The following ADAMTS18 variants were observed in gnomAD, a reference collection of about 807,000 sequenced individuals.
The protein encoded by ADAMTS18 is A disintegrin and metalloproteinase with thrombospondin motifs 18.
In ADAMTS18, 157 loss-of-function variants were observed where a neutral mutation model predicts 165.9. The ratio of observed to expected loss-of-function variants is 0.95; its 90% CI spans 0.83 to 1.08. The LOEUF (loss-of-function observed/expected upper bound fraction) is 1.08, where lower values mean the gene tolerates loss of function less well. ADAMTS18 is among the 50% of genes least tolerant of loss of function. The probability of loss-of-function intolerance (pLI) is 0.00; values close to 1 mark genes in which losing one functional copy is unlikely to be tolerated. For missense variants in ADAMTS18, 2,040 were observed against 1,534.0 expected, an observed-to-expected ratio of 1.33 and a Z score of -5.51; for synonymous variants, 782 against 578.2, an observed-to-expected ratio of 1.35 and a Z score of -5.06.
At chr16:77,344,182 T>C (rs548427407) in intron 10 of ADAMTS18, among the ~76,000 whole-genome samples, 3 of 146,384 alleles carry the variant, frequency 2.0e-5, no homozygotes, top group South Asian at 2.2e-4. Flanking sequence ...TATATACACA[T>C]ACAGTAATTT....
intron 10 of ADAMTS18, among the ~76,000 whole-genome samples, chr16:77,342,993 GA>G (rs1273870690): frequency 6.6e-6 from 1 of 152,006 alleles, no homozygotes; most frequent in African/African-American, 2.4e-5. Context: ...GCAGCTTCCA[GA>G]AGCTGAAAAA....
rs1388818711 is a variant in ADAMTS18 at position 77,314,783 on chromosome 16, TATAAAA to T, written c.2532+5060_2532+5065del. The stretch of plus-strand genomic sequence containing the variant: ...ATATATATATATATATATATATATA[TATAAAA>T]TATATGTGATATGCTCAGAAGGCAA... On this transcript the variant is annotated intron_variant, in intron 16 of 22. Transcript: ENST00000282849. Among the ~76,000 whole-genome samples, 5 of 90,638 alleles carry T rather than the reference TATAAAA, an allele frequency of 5.5e-5. 1 individual carries two copies. The highest frequency in any genetic ancestry group is 2.1e-4 in the African/African-American group (5 of 23,536). 59.5% of individuals were successfully genotyped at this position (90,638 alleles called of 152,430 possible). A position where few individuals can be genotyped will look rare whatever the true frequency, so the allele number is the denominator to read the frequency against.
Position 77,340,159 on chromosome 16 carries a change from C to A in ADAMTS18, c.1710+1545G>T, listed in dbSNP as rs187318969. Among the ~76,000 whole-genome samples, 3 of 152,186 alleles carry A rather than the reference C, an allele frequency of 2.0e-5. No homozygotes were observed. The East Asian group carries it at 5.8e-4, about 29-fold the overall frequency. ...TTTCCTTCTGTATATGTTTCCCCTGCTAGACTGTAAATTTTTATATTTTTA... is the reference window on the plus strand; with the variant it reads ...TTTCCTTCTGTATATGTTTCCCCTGATAGACTGTAAATTTTTATATTTTTA... On this transcript the variant is annotated intron_variant, in intron 11 of 22. Coordinates refer to ENST00000282849, the MANE Select transcript of ADAMTS18 (RefSeq NM_199355.4).
chr16:77,402,841 G>T (rs1199170196), intron 3 of ADAMTS18, among the ~76,000 whole-genome samples: 1 of 152,140 alleles, frequency 6.6e-6, no homozygotes, highest in Non-Finnish European at 1.5e-5. Context: ...AAGAACTCCA[G>T]CCAAGGTTGA....
chr16:77,424,412 G>A (rs1374816382), intron 3 of ADAMTS18, among the ~76,000 whole-genome samples: 1 of 151,384 alleles, frequency 6.6e-6, no homozygotes, highest in Non-Finnish European at 1.5e-5. Flanking sequence ...AGGTTGCAGT[G>A]AGCCAAGATC....
At chr16:77,416,235 C>A (rs976455111) in intron 3 of ADAMTS18, among the ~76,000 whole-genome samples, 14 of 152,054 alleles carry the variant, frequency 9.2e-5, no homozygotes, top group Admixed American at 5.9e-4. Flanking sequence ...GGTAGGACAT[C>A]TGGGGATGTT....
At chr16:77,401,826 G>C (rs1305527677) in intron 3 of ADAMTS18, among the ~76,000 whole-genome samples, 1 of 152,114 alleles carries the variant, frequency 6.6e-6, no homozygotes, top group Non-Finnish European at 1.5e-5. Context: ...CTCTTTTCTT[G>C]AGCAAGGATA....
chr16:77,431,266 G>C (rs937222224), intron 3 of ADAMTS18, 29 bp downstream of exon 3: 1 of 1,613,394 alleles, frequency 6.2e-7, no homozygotes, highest in Non-Finnish European at 8.5e-7. Flanking sequence ...ACGAAAGAGG[G>C]AGCTCAACTC....
chr16:77,293,829 C>G (rs570612686), intron 19 of ADAMTS18, among the ~76,000 whole-genome samples: 6 of 150,566 alleles, frequency 4.0e-5, no homozygotes, highest in African/African-American at 1.5e-4. Flanking sequence ...AACGCTGCCA[C>G]TGATTTGACA....
intron 19 of ADAMTS18, among the ~76,000 whole-genome samples, chr16:77,293,727 G>C (rs898408421): frequency 6.7e-6 from 1 of 149,942 alleles, no homozygotes; most frequent in Non-Finnish European, 1.5e-5. Context: ...TTCCACCTCA[G>C]ATCATCACGC....
At chr16:77,427,259 A>C (rs3921741) in intron 3 of ADAMTS18, among the ~76,000 whole-genome samples, 43,439 of 152,132 alleles carry the variant, frequency 0.29, 7,240 homozygotes, top group Non-Finnish European at 0.39. Flanking sequence ...TCCTGACAAA[A>C]AGGATCACTA....
At chr16:77,382,933 T>G (rs13338248) in intron 3 of ADAMTS18, among the ~76,000 whole-genome samples, 54,342 of 152,044 alleles carry the variant, frequency 0.36, 10,123 homozygotes, top group East Asian at 0.58. Flanking sequence ...AGATCCTACC[T>G]CATATCCATG....
rs748668627 is a variant in ADAMTS18, at chr16:77,297,322, G to C, written c.2768C>G (p.Pro923Arg). The change falls in exon 18 of 23, where the codon CCC (proline) becomes CGC (arginine). Residue 923 changes from proline to arginine, a missense_variant. By Grantham distance (103) the Pro-to-Arg change is moderately radical (BLOSUM62 -2). Transcript: ENST00000282849. ...GCAGGAGAAAGCGTTGCAGATTTTG[G>C]GCTCAGTTACTGGCTTGGTTTTTGC... is the stretch of plus-strand genomic sequence containing the variant. ...CSAKTKPVTEPKICNAFSCPA... is the reference protein window; with the variant it reads ...CSAKTKPVTERKICNAFSCPA... The C allele has an allele frequency of 6.2e-7, 1 of 1,614,090 alleles. No individual in the cohort carries two copies. The highest frequency in any genetic ancestry group is 2.2e-5 in the East Asian group (1 of 44,870).
At chr16:77,340,158 G>A (rs1015124097) in intron 11 of ADAMTS18, among the ~76,000 whole-genome samples, 1 of 152,040 alleles carries the variant, frequency 6.6e-6, no homozygotes, top group Non-Finnish European at 1.5e-5. Flanking sequence ...TGTTTCCCCT[G>A]CTAGACTGTA....
chr16:77,291,175 C>A, intron 21 of ADAMTS18, 91 bp downstream of exon 21: 2 of 1,408,958 alleles, frequency 1.4e-6, no homozygotes, highest in East Asian at 2.3e-5. Context: ...ACTTAGACAA[C>A]CATTAACAGA....
At chr16:77,306,613 A>C (rs576491288) in intron 16 of ADAMTS18, among the ~76,000 whole-genome samples, 57 of 152,266 alleles carry the variant, frequency 3.7e-4, no homozygotes, top group Admixed American at 2.4e-3. Context: ...GTTATGGATA[A>C]ATTTTAAAGA....
intron 3 of ADAMTS18, among the ~76,000 whole-genome samples, chr16:77,423,142 C>T (rs1228985165): frequency 6.6e-6 from 1 of 152,176 alleles, no homozygotes; most frequent in African/African-American, 2.4e-5. Flanking sequence ...TAAAAAATAT[C>T]CTACACCTCA....
rs762008858 is a variant in ADAMTS18 at position 77,356,068 on chromosome 16, C to T, written c.1332G>A (p.Met444Ile). ...AGGGATTCCCTTCTCCATCGTGAAT[C>T]ATACCAAAGCTGAAACAGAATGAAG... ...IAHESGHNFG[M>I]IHDGEGNPCR... is the part of the protein sequence containing the mutation. Residue 444 changes from methionine (M) to isoleucine (I), a missense_variant, in exon 9 of 23, where the codon ATG (methionine) becomes ATA (isoleucine). Met to Ile is a conservative substitution (Grantham distance 10, BLOSUM62 1). Transcript: ENST00000282849. The T allele has an allele frequency of 6.2e-7, 1 of 1,614,022 alleles. No individual in the cohort carries two copies. Among genetic ancestry groups the T allele is most frequent in the Non-Finnish European group, 8.5e-7 (1 of 1,179,946 alleles).
At chr16:77,366,968 T>G (rs1418211214) in intron 4 of ADAMTS18, among the ~76,000 whole-genome samples, 1 of 152,188 alleles carries the variant, frequency 6.6e-6, no homozygotes, top group African/African-American at 2.4e-5. Flanking sequence ...CTATTGGACA[T>G]CGCTGGTCTG....
Sources: gnomAD v4.1 joint callset for allele counts (sites outside exome capture counted in the v4.1 genomes callset) on GRCh38, gnomAD v4.1.1 for gene constraint, MANE v1.5 for transcripts, NCBI Gene and HGNC (gene_info 2026-07-23, HGNC 2026-07-21) for gene names.